Variants in SLC38A7 observed in about 807,000 individuals in gnomAD.
The protein encoded by SLC38A7 is sodium-coupled neutral amino acid transporter 7.
Under a neutral mutation model 50.1 loss-of-function variants are expected in SLC38A7, and 29 were observed. That is an observed-to-expected ratio of 0.58 (90% confidence interval 0.43 to 0.79). The LOEUF is 0.79. Ranked by LOEUF, SLC38A7 falls within the 30% of genes least tolerant of loss-of-function variation. The pLI, the probability that SLC38A7 is intolerant of heterozygous loss-of-function variation, is 0.00. For missense variants in SLC38A7, 483 were observed against 610.6 expected, an observed-to-expected ratio of 0.79 and a Z score of 2.20; for synonymous variants, 244 against 245.9, an observed-to-expected ratio of 0.99 and a Z score of 0.07.
chr16:58,678,737 C>T lies in SLC38A7; in HGVS notation c.428G>A (p.Cys143Tyr). 1 of 1,614,158 alleles carries T rather than the reference C, an allele frequency of 6.2e-7. No individual in the cohort carries two copies. The highest frequency in any genetic ancestry group is 1.6e-4 in the Middle Eastern group (1 of 6,062). ...GCCAATGATGATTAGGAAGGCAATG[C>T]AGGTGCCAAAGGTGTAGACAGCGAT... ...VAIAVYTFGT[C>Y]IAFLIIIGDQ... The change falls in exon 4 of 12, where the codon TGC (cysteine) becomes TAC (tyrosine). Residue 143 changes from cysteine (C) to tyrosine (Y), a missense_variant. Cys to Tyr is a radical substitution (Grantham distance 194). Transcript: ENST00000219320. The surrounding 1 kb of genome is among the most constrained non-coding windows in gnomAD (Gnocchi z 4.0).
At chr16:58,679,544 C>T in intron 3 of SLC38A7, 1 of 527,820 alleles carries the variant, frequency 1.9e-6, no homozygotes, top group South Asian at 3.1e-5. Flanking sequence ...CATATCATTT[C>T]ATCAATAAAT....
rs777182936 is a variant in SLC38A7, at chr16:58,680,062, C to T, written c.65G>A (p.Arg22Gln). Residue 22 changes from arginine (R) to glutamine (Q), a missense_variant, in exon 3 of 12, where the codon CGG (arginine) becomes CAG (glutamine). By Grantham distance (43) the Arg-to-Gln change is conservative. Coordinates refer to ENST00000219320, the MANE Select transcript of SLC38A7 (RefSeq NM_018231.3). ...ACAGGGACTCTGCAGCAGCCGAGCCCGCTCCCCGGCATCCGTGCTCAAGTC... is the reference window on the plus strand; with the variant it reads ...ACAGGGACTCTGCAGCAGCCGAGCCTGCTCCCCGGCATCCGTGCTCAAGTC... ...EWDLSTDAGERARLLQSPCVD... is the reference protein window; with the variant it reads ...EWDLSTDAGEQARLLQSPCVD... 1.4e-5 allele frequency: 22 copies of T among 1,580,136 alleles called. No individual in the cohort carries two copies. Among genetic ancestry groups the T allele is most frequent in the Middle Eastern group, 1.7e-4 (1 of 5,882 alleles).
chr16:58,673,982 G>A (rs1046566057), intron 8 of SLC38A7, among the ~76,000 whole-genome samples: 1 of 151,482 alleles, frequency 6.6e-6, no homozygotes, highest in African/African-American at 2.4e-5. Flanking sequence ...CCACCACCAC[G>A]CCCGGCTAAT....
rs1038955111 is a variant in SLC38A7 at position 58,666,256 on chromosome 16, G to A, written c.*1129C>T. 1 of 152,232 alleles carries A rather than the reference G, an allele frequency of 6.6e-6. No individual in the cohort carries two copies. The highest frequency in any genetic ancestry group is 1.5e-5 in the Non-Finnish European group (1 of 68,132). 9.4% of individuals were successfully genotyped at this position (152,232 alleles called of 1,614,324 possible). A position where few individuals can be genotyped will look rare whatever the true frequency, so the allele number is the denominator to read the frequency against. On this transcript the variant is annotated 3_prime_UTR_variant, in exon 12 of 12. Transcript: ENST00000219320. Reference sequence around the variant, plus strand: ...AATTTTTTGTATTTTTAGTAGAGATGGGGTTTTGCCGTGTTGGCCAGGCTG... The same window carrying A: ...AATTTTTTGTATTTTTAGTAGAGATAGGGTTTTGCCGTGTTGGCCAGGCTG...
At chr16:58,674,835 C>T (rs933992606) in intron 8 of SLC38A7, among the ~76,000 whole-genome samples, 1 of 152,022 alleles carries the variant, frequency 6.6e-6, no homozygotes, top group Non-Finnish European at 1.5e-5. Context: ...TCAGGGGATC[C>T]TTCTTCCAGG....
intron 11 of SLC38A7, 62 bp from the exon 12 acceptor site, chr16:58,667,549 A>G: frequency 2.4e-6 from 3 of 1,272,038 alleles, no homozygotes; most frequent in South Asian, 1.4e-5. Flanking sequence ...GCAGACTTCA[A>G]TATATATAAC....
At chr16:58,667,631 A>G (rs2044067249) in intron 11 of SLC38A7, 144 bp from the exon 12 acceptor site, 2 of 595,230 alleles carry the variant, frequency 3.4e-6, no homozygotes, top group Admixed American at 7.2e-5. Context: ...CTTCAATACA[A>G]AGGTAGTGTG....
intron 2 of SLC38A7, among the ~76,000 whole-genome samples, chr16:58,682,824 G>T (rs1195266177): frequency 6.6e-6 from 1 of 152,052 alleles, no homozygotes; most frequent in African/African-American, 2.4e-5. Context: ...TAGAGATGGG[G>T]TTTTGCCATG....
rs1244026459 is a variant in SLC38A7 at position 58,675,982 on chromosome 16, T to A, written c.841A>T (p.Thr281Ser). 5 of 1,613,572 alleles carry A rather than the reference T, an allele frequency of 3.1e-6. No individual in the cohort carries two copies. In the African/African-American group the frequency reaches 5.3e-5, roughly 17 times the overall value. The change falls in exon 8 of 12, where the codon ACA (threonine) becomes TCA (serine). Residue 281 changes from threonine to serine, a missense_variant. Coordinates refer to ENST00000219320, the MANE Select transcript of SLC38A7 (RefSeq NM_018231.3). ...GCGAGGGCTATGACCATGGCAGCTGTCACCACTCCACCCCAGGTCTTCACT... is the reference window on the plus strand; with the variant it reads ...GCGAGGGCTATGACCATGGCAGCTGACACCACTCCACCCCAGGTCTTCACT... The part of the protein sequence containing the change: ...PEVKTWGGVV[T>S]AAMVIALAVY...
chr16:58,675,868 C>T lies in SLC38A7; in HGVS notation c.883+72G>A, dbSNP rs545098835. 4 of 1,226,266 alleles carry T rather than the reference C, an allele frequency of 3.3e-6. No individual in the cohort carries two copies. The African/African-American group carries it at 6.0e-5, about 18-fold the overall frequency. The allele number at this position is 1,226,266 out of a possible 1,614,324, so 76.0% of individuals were successfully genotyped here. A position where few individuals can be genotyped will look rare whatever the true frequency, so the allele number is the denominator to read the frequency against. On this transcript the variant is annotated intron_variant, in intron 8 of 11. Coordinates refer to ENST00000219320, the MANE Select transcript of SLC38A7 (RefSeq NM_018231.3). ...CAGGGCTGTCCCCAGGAAAGCTAGG[C>T]CCCAGGACCTAGGGACTCCTGTGGA...
At chr16:58,683,479 C>T (rs187606180) in intron 2 of SLC38A7, among the ~76,000 whole-genome samples, 4 of 152,268 alleles carry the variant, frequency 2.6e-5, no homozygotes, top group Non-Finnish European at 4.4e-5. Context: ...GGCTCGAAAC[C>T]CAGAAAGATC....
intron 6 of SLC38A7, 112 bp downstream of exon 6, chr16:58,677,214 G>A (rs1355796010): frequency 1.2e-6 from 1 of 844,290 alleles, no homozygotes; most frequent in Non-Finnish European, 2.0e-6. Context: ...GCCCTGATGA[G>A]CTCATGAGCC....
intron 11 of SLC38A7, 92 bp downstream of exon 11, chr16:58,670,021 G>A (rs1482173626): frequency 9.4e-6 from 10 of 1,059,446 alleles, no homozygotes; most frequent in Non-Finnish European, 1.3e-5. Context: ...AAGTACACAA[G>A]CCTCTGACTC....
At chr16:58,668,775 T>C (rs1224220726) in intron 11 of SLC38A7, among the ~76,000 whole-genome samples, 1 of 149,418 alleles carries the variant, frequency 6.7e-6, no homozygotes, top group African/African-American at 2.4e-5. Flanking sequence ...TTTTTCTTCT[T>C]CTTCTTTTTC....
rs376374537 is a variant in SLC38A7, at chr16:58,676,808, C to T, written c.711-462G>A. ...CTGCTACTACAGGCGCCTGCCACCA[C>T]ACCCGGCTAATTTTTTTGTATTTTT... On this transcript the variant is annotated intron_variant, in intron 6 of 11. Transcript: ENST00000219320. Among the ~76,000 whole-genome samples, 226 of 152,170 alleles carry T rather than the reference C, an allele frequency of 1.5e-3. 1 individual carries two copies. Among genetic ancestry groups the T allele is most frequent in the South Asian group, 3.5e-3 (17 of 4,810 alleles).
At position 58,677,301 on chromosome 16, in the gene SLC38A7, T is replaced by A. The variant is rs1189111322; in HGVS notation, c.710+25A>T. ...GGCCCAAGTGGTGGCTTCTTCCCCA[T>A]GTCTCCTAGGGCCCTCACCCTCACC... is the stretch of plus-strand genomic sequence containing the variant. On this transcript the variant is annotated intron_variant, in intron 6 of 11. Coordinates refer to ENST00000219320, the MANE Select transcript of SLC38A7 (RefSeq NM_018231.3). 3 of 1,604,138 alleles carry A rather than the reference T, an allele frequency of 1.9e-6. No individual in the cohort carries two copies. The African/African-American group carries it at 4.0e-5, about 21-fold the overall frequency.
intron 10 of SLC38A7, among the ~76,000 whole-genome samples, chr16:58,670,529 G>A (rs753524210): frequency 8.5e-5 from 13 of 152,234 alleles, no homozygotes; most frequent in African/African-American, 3.1e-4. Context: ...CCTGGATAGA[G>A]ACAAGCTGGA....
At chr16:58,677,189 A>C (rs888147399) in intron 6 of SLC38A7, 137 bp downstream of exon 6, 2 of 689,798 alleles carry the variant, frequency 2.9e-6, no homozygotes, top group Admixed American at 2.5e-5. Context: ...CCTCCTTCCT[A>C]CAATGACCAA....
chr16:58,676,969 T>A (rs796526567), intron 6 of SLC38A7, among the ~76,000 whole-genome samples: 31 of 152,130 alleles, frequency 2.0e-4, no homozygotes, highest in African/African-American at 2.9e-4. Context: ...CCTTTTTTTT[T>A]AATAATAAAT....
Sources: allele counts gnomAD v4.1 joint callset (sites outside exome capture counted in the v4.1 genomes callset), GRCh38; gene constraint gnomAD v4.1.1; non-coding constraint Gnocchi (gnomAD v3.1); transcripts MANE v1.5; gene names NCBI Gene and HGNC (gene_info 2026-07-23, HGNC 2026-07-21).